Variants in CEP135 observed in about 807,000 individuals in gnomAD.
The protein encoded by CEP135 is centrosomal protein 135, also known as centrosomal protein of 135 kDa.
A neutral mutation model predicts 157.3 loss-of-function variants in CEP135; 142 were observed. The observed-to-expected ratio is 0.90, with a 90% CI of 0.79 to 1.04. The LOEUF is 1.04. CEP135 is among the 50% of genes least tolerant of loss of function. CEP135 has a pLI of 0.00. For synonymous variants in CEP135, 396 were observed against 439.8 expected, an observed-to-expected ratio of 0.90 and a Z score of 1.25; for missense variants, 1,317 against 1,309.2, an observed-to-expected ratio of 1.01 and a Z score of -0.09.
intron 14 of CEP135, among the ~76,000 whole-genome samples, chr4:55,990,743 T>C (rs189082137): frequency 6.6e-6 from 1 of 152,210 alleles, no homozygotes; most frequent in Non-Finnish European, 1.5e-5. Flanking sequence ...CCTCAAGCAA[T>C]CCTCTTGGCC....
chr4:55,971,544 T>C, intron 10 of CEP135, 136 bp downstream of exon 10: 2 of 829,108 alleles, frequency 2.4e-6, no homozygotes, highest in Non-Finnish European at 3.6e-6. Context: ...AAAACCATAG[T>C]AGTTACTGTA....
chr4:55,951,096 G>T (rs1728348091), intron 1 of CEP135, among the ~76,000 whole-genome samples: 1 of 152,174 alleles, frequency 6.6e-6, no homozygotes, highest in African/African-American at 2.4e-5. Flanking sequence ...TGTATCAGTA[G>T]TTCCTTTTAT....
intron 25 of CEP135, among the ~76,000 whole-genome samples, chr4:56,027,391 T>C (rs1031460434): frequency 1.3e-5 from 2 of 152,230 alleles, no homozygotes; most frequent in Non-Finnish European, 2.9e-5. Flanking sequence ...ACTGCTTTAC[T>C]ACAGTGGCAG....
At chr4:56,015,812 G>C (rs1292578859) in intron 21 of CEP135, among the ~76,000 whole-genome samples, 1 of 152,184 alleles carries the variant, frequency 6.6e-6, no homozygotes, top group Non-Finnish European at 1.5e-5. Flanking sequence ...GCTTAGATGA[G>C]ATTTTGGGTT....
chr4:56,024,655 G>A (rs935712209), intron 25 of CEP135, 41 bp downstream of exon 25: 1 of 1,353,428 alleles, frequency 7.4e-7, no homozygotes, highest in Non-Finnish European at 1.1e-6. Context: ...CTAATCTGTG[G>A]TTGTAAAAAT....
In CEP135 at chr4:55,965,873, T is replaced by C. The variant is rs1251220314; in HGVS notation, c.1044+14T>C. On this transcript the variant is annotated intron_variant, in intron 8 of 25. Coordinates refer to ENST00000257287, the MANE Select transcript of CEP135 (RefSeq NM_025009.5). The stretch of plus-strand genomic sequence containing the variant: ...GGGGAAGCAAAGGTAATGAATGATA[T>C]GTGTAGATTGTGAGAGTGTTCATTA... The C allele has an allele frequency of 2.5e-6, 4 of 1,587,556 alleles. No individual in the cohort carries two copies. Among genetic ancestry groups the C allele is most frequent in the South Asian group, 2.2e-5 (2 of 89,382 alleles).
chr4:55,979,090 G>A lies in CEP135; in HGVS notation c.1474-1053G>A, dbSNP rs144164787. Among the ~76,000 whole-genome samples, 18 of 152,292 alleles carry A rather than the reference G, an allele frequency of 1.2e-4. No homozygotes were observed. The East Asian group carries it at 3.3e-3, about 28-fold the overall frequency. On this transcript the variant is annotated intron_variant, in intron 11 of 25. Transcript: ENST00000257287. ...ATCATTTACCAAATCTACATTGTAT[G>A]TGGTATTGGCATAACAGATGTTACA...
intron 18 of CEP135, among the ~76,000 whole-genome samples, chr4:56,009,249 C>T (rs1730479656): frequency 6.6e-6 from 1 of 152,104 alleles, no homozygotes; most frequent in South Asian, 2.1e-4. Context: ...GCAAGCTCTG[C>T]CTCCCGGGTT....
Position 56,031,811 on chromosome 4 carries a change from A to G in CEP135, c.*463A>G, listed in dbSNP as rs1050760547. On this transcript the variant is annotated 3_prime_UTR_variant, in exon 26 of 26. Transcript: ENST00000257287. ...TTATCAACTTTGATGCTATGCTGTC[A>G]TGCTTAACTTTTTCTTCTTAAAATT... The G allele has an allele frequency of 6.6e-6, 1 of 152,162 alleles. No individual in the cohort carries two copies. Among genetic ancestry groups the G allele is most frequent in the African/African-American group, 2.4e-5 (1 of 41,448 alleles). 9.4% of individuals were successfully genotyped at this position (152,162 alleles called of 1,614,324 possible).
At position 56,017,814 on chromosome 4, in the gene CEP135, T is replaced by G; in HGVS notation, c.2969T>G (p.Ile990Ser). ...ATTAAACTTGATTCAGGCAAAGATA[T>G]TATGACCCAGCAATTGAATTCGAAA... ...LCIKLDSGKD[I>S]MTQQLNSKNL... Residue 990 changes from isoleucine (I) to serine (S), a missense_variant, in exon 22 of 26, where the codon ATT becomes AGT. Physicochemically the swap from Ile to Ser is moderately radical, Grantham distance 142 (BLOSUM62 -2). Coordinates refer to ENST00000257287, the MANE Select transcript of CEP135 (RefSeq NM_025009.5). 1 of 1,613,474 alleles carries G rather than the reference T, an allele frequency of 6.2e-7. No individual in the cohort carries two copies. The highest frequency in any genetic ancestry group is 8.5e-7 in the Non-Finnish European group (1 of 1,179,998).
chr4:55,995,464 T>C (rs1729940154), intron 15 of CEP135, among the ~76,000 whole-genome samples: 1 of 152,164 alleles, frequency 6.6e-6, no homozygotes, highest in Non-Finnish European at 1.5e-5. Context: ...GACTGTATTA[T>C]CTCGCTTGGA....
intron 22 of CEP135, 117 bp from the exon 23 acceptor site, chr4:56,019,236 C>A: frequency 1.3e-6 from 1 of 744,910 alleles, no homozygotes. Flanking sequence ...TAACCCATAC[C>A]CAAAATGAAA....
intron 8 of CEP135, among the ~76,000 whole-genome samples, chr4:55,967,246 G>A (rs577494993): frequency 6.6e-6 from 1 of 151,918 alleles, no homozygotes; most frequent in Non-Finnish European, 1.5e-5. Context: ...AATTATCAGT[G>A]GGTTAAAGTG....
intron 17 of CEP135, among the ~76,000 whole-genome samples, chr4:56,005,175 TG>T (rs1253843406): frequency 2.0e-5 from 3 of 152,158 alleles, no homozygotes; most frequent in Non-Finnish European, 2.9e-5. Context: ...CCAGGCATAT[TG>T]GCTCACACCT....
chr4:56,000,214 T>C (rs889146775), intron 17 of CEP135, among the ~76,000 whole-genome samples: 1 of 152,126 alleles, frequency 6.6e-6, no homozygotes, highest in African/African-American at 2.4e-5. Flanking sequence ...AATAAAAAGT[T>C]TATGTACTTT....
chr4:55,958,603 G>T (rs1728577536), intron 5 of CEP135, among the ~76,000 whole-genome samples: 1 of 152,016 alleles, frequency 6.6e-6, no homozygotes, highest in African/African-American at 2.4e-5. Flanking sequence ...TTTTTTAATT[G>T]TCCTGTTTAA....
intron 18 of CEP135, among the ~76,000 whole-genome samples, chr4:56,009,158 G>T (rs140112277): frequency 0.012 from 1,866 of 151,828 alleles, 24 homozygotes; most frequent in African/African-American, 0.038. Context: ...TGTTTTTGTT[G>T]TTGTTGTTGT....
chr4:56,019,374 G>A lies in CEP135; in HGVS notation c.3034G>A (p.Val1012Ile), dbSNP rs756060444. The A allele has an allele frequency of 4.3e-6, 7 of 1,611,804 alleles. No individual in the cohort carries two copies. The highest frequency in any genetic ancestry group is 5.9e-6 in the Non-Finnish European group (7 of 1,179,350). The change falls in exon 23 of 26, where the codon GTA becomes ATA. Residue 1012 changes from valine (V) to isoleucine (I), a missense_variant. Physicochemically the swap from Val to Ile is conservative, Grantham distance 29. Coordinates refer to ENST00000257287, the MANE Select transcript of CEP135 (RefSeq NM_025009.5). Reference sequence around the variant, plus strand: ...GTAGGTTGTGGTGGAATTAGAAAATGTAAAGTCAGAGTCAGACCTACTGAA... The same window carrying A: ...GTAGGTTGTGGTGGAATTAGAAAATATAAAGTCAGAGTCAGACCTACTGAA... ...FERVVVELEN[V>I]KSESDLLKKQ... is the part of the protein sequence containing the mutation.
intron 6 of CEP135, among the ~76,000 whole-genome samples, chr4:55,964,021 A>G (rs1382808320): frequency 1.3e-5 from 2 of 152,226 alleles, no homozygotes; most frequent in African/African-American, 2.4e-5. Context: ...AAAAAATACA[A>G]AAATTAAATT....
Sources: gnomAD v4.1 joint callset for allele counts (sites outside exome capture counted in the v4.1 genomes callset) on GRCh38, gnomAD v4.1.1 for gene constraint, MANE v1.5 for transcripts, NCBI Gene and HGNC (gene_info 2026-07-23, HGNC 2026-07-21) for gene names.